Variants in FBXL15 observed in about 807,000 individuals in gnomAD.
FBXL15 encodes F-box and leucine rich repeat protein 15.
Under a neutral mutation model 23.6 loss-of-function variants are expected in FBXL15, and 19 were observed. The observed-to-expected ratio is 0.81, with a 90% CI of 0.56 to 1.18. The LOEUF is 1.18. FBXL15 is among the 50% of genes most tolerant of loss of function. The pLI is 0.00. For missense variants in FBXL15, 385 were observed against 425.4 expected (o/e 0.91, Z 0.83); for synonymous variants, 224 against 207.7 (o/e 1.08, Z -0.67).
At position 102,421,524 on chromosome 10, in the gene FBXL15, AG is replaced by A. The variant is rs1395890987; in HGVS notation, c.207+18del. 6.9e-7 allele frequency: 1 copy of A among 1,451,508 alleles called. No homozygotes were observed. Among genetic ancestry groups the A allele is most frequent in the South Asian group, 1.4e-5 (1 of 71,412 alleles). The allele number at this position is 1,451,508 out of a possible 1,614,324, so 89.9% of individuals were successfully genotyped here. A position where few individuals can be genotyped will look rare whatever the true frequency, so the allele number is the denominator to read the frequency against. ...GCCGCGCAGGTGAGCCGGGGGCTGAAGCCCCGCCCCTGCCTGGGTACCGCCC... is the reference window on the plus strand; with the variant it reads ...GCCGCGCAGGTGAGCCGGGGGCTGAACCCCGCCCCTGCCTGGGTACCGCCC... On this transcript the variant is annotated intron_variant, in intron 2 of 3. Coordinates refer to ENST00000369956, the MANE Select transcript of FBXL15 (RefSeq NM_024326.4).
Position 102,421,365 on chromosome 10 carries a change from T to G in FBXL15, c.65T>G (p.Leu22Arg). 1 of 1,555,926 alleles carries G rather than the reference T, an allele frequency of 6.4e-7. No individual in the cohort carries two copies. The highest frequency in any genetic ancestry group is 8.7e-7 in the Non-Finnish European group (1 of 1,150,694). ...QEPGAVRFLD[L>R]PWEDVLLPHV... ...CCCTTTACTCGCAGGTTCCTGGACC[T>G]GCCCTGGGAAGACGTGCTGCTCCCA... Residue 22 changes from leucine (L) to arginine (R), a missense_variant, in exon 2 of 4, where the codon CTG (leucine) becomes CGG (arginine). By Grantham distance (102) the Leu-to-Arg change is moderately radical. This residue lies in a region of FBXL15 where 130 missense variants were observed against 95.1 expected (regional missense o/e 1.37). Transcript: ENST00000369956.
In FBXL15 at chr10:102,422,242, C is replaced by T. The variant is rs370822016; in HGVS notation, c.663C>T (p.Leu221=). 2.0e-6 allele frequency: 3 copies of T among 1,511,232 alleles called. No homozygotes were observed. Among genetic ancestry groups the T allele is most frequent in the Non-Finnish European group, 2.7e-6 (3 of 1,129,654 alleles). 93.6% of individuals were successfully genotyped at this position (1,511,232 alleles called of 1,614,324 possible). A position where few individuals can be genotyped will look rare whatever the true frequency, so the allele number is the denominator to read the frequency against. ...AGTTGGCTCGGAACTGCCCAGAACT[C>T]CACCACCTTGACCTCACCGGCTGCC... is the stretch of plus-strand genomic sequence containing the variant. ...VQELARNCPE[L]HHLDLTGCLR... is the part of the protein sequence containing the mutation. The change falls in exon 3 of 4, where the codon CTC becomes CTT. Residue 221 remains leucine, a synonymous_variant. Coordinates refer to ENST00000369956, the MANE Select transcript of FBXL15 (RefSeq NM_024326.4).
At chr10:102,421,215 G>A in intron 1 of FBXL15, 33 bp downstream of exon 1, 1 of 1,598,012 alleles carries the variant, frequency 6.3e-7, no homozygotes, top group Non-Finnish European at 8.5e-7. Flanking sequence ...AGAGGGAAGA[G>A]GAACCTGAGG....
chr10:102,422,333 G>GA (rs751976655), intron 3 of FBXL15, 41 bp downstream of exon 3: 40 of 1,475,912 alleles, frequency 2.7e-5, no homozygotes, highest in Admixed American at 5.0e-5. Flanking sequence ...CAGTCACTTA[G>GA]CCTCTGCTGG....
rs764756293 is a variant in FBXL15 at position 102,421,080 on chromosome 10, T to C, written c.-50T>C. 7 of 1,574,934 alleles carry C rather than the reference T, an allele frequency of 4.4e-6. No homozygotes were observed. In the Admixed American group the frequency reaches 5.5e-5, roughly 12 times the overall value. ...AAGGAGGCGGGTTTGGTGCGGCCAC[T>C]CCAAGGCCAAAGCGAGAAAATCTTA... On this transcript the variant is annotated 5_prime_UTR_variant, in exon 1 of 4. Transcript: ENST00000369956.
rs751395271 is a variant in FBXL15, at chr10:102,423,016, G to A, written c.*23G>A. ...TGACCCGCCTGCCAATCGGAGCACA[G>A]CTGGACTGTGTGGCTGGGGCCTGAC... On this transcript the variant is annotated 3_prime_UTR_variant, in exon 4 of 4. Transcript: ENST00000369956. This position sits in a 1 kb window ranked among gnomAD's most constrained non-coding sequence, Gnocchi z 5.6. The A allele has an allele frequency of 9.9e-6, 15 of 1,517,484 alleles. No individual in the cohort carries two copies. Among genetic ancestry groups the A allele is most frequent in the Non-Finnish European group, 1.2e-5 (14 of 1,128,240 alleles). The allele number at this position is 1,517,484 out of a possible 1,614,324, so 94.0% of individuals were successfully genotyped here.
chr10:102,421,898 G>A lies in FBXL15; in HGVS notation c.319G>A (p.Val107Met). ...CHEWLSDEDL[V>M]PVLARNPQLR... is the part of the protein sequence containing the mutation. ...CGAATGGCTGTCAGACGAGGACCTG[G>A]TGCCGGTGCTGGCGCGGAATCCGCA... is the stretch of plus-strand genomic sequence containing the variant. The change falls in exon 3 of 4, where the codon GTG becomes ATG. Residue 107 changes from valine (V) to methionine (M), a missense_variant. Around this residue, in one of 2 missense-constraint regions of FBXL15, gnomAD observed 255 missense variants for 330.2 expected, o/e 0.77. Transcript: ENST00000369956. 2 of 1,606,382 alleles carry A rather than the reference G, an allele frequency of 1.2e-6. No individual in the cohort carries two copies. Among genetic ancestry groups the A allele is most frequent in the Middle Eastern group, 3.3e-4 (2 of 6,014 alleles).
Position 102,420,894 on chromosome 10 carries a change from C to G in FBXL15, c.-236C>G. The G allele has an allele frequency of 7.1e-7, 1 of 1,406,134 alleles. No homozygotes were observed. Among genetic ancestry groups the G allele is most frequent in the Non-Finnish European group, 9.3e-7 (1 of 1,079,492 alleles). 87.1% of individuals were successfully genotyped at this position (1,406,134 alleles called of 1,614,324 possible). A position where few individuals can be genotyped will look rare whatever the true frequency, so the allele number is the denominator to read the frequency against. On this transcript the variant is annotated 5_prime_UTR_variant, in exon 1 of 4. Transcript: ENST00000369956. ...AGAAGCCAGTCTCTGATGCCCACCG[C>G]ATTCTCCAGCTTCAGGCCTCAAGCC...
rs1467204934 is a variant in FBXL15 at position 102,420,841 on chromosome 10, G to C, written c.-289G>C. The stretch of plus-strand genomic sequence containing the variant: ...GCTCCTCCCACCACCACTTCGCTCA[G>C]AGGCGGCTACTGGCTCAAGAGGACG... On this transcript the variant is annotated 5_prime_UTR_variant, in exon 1 of 4. Coordinates refer to ENST00000369956, the MANE Select transcript of FBXL15 (RefSeq NM_024326.4). 7 of 1,312,532 alleles carry C rather than the reference G, an allele frequency of 5.3e-6. No homozygotes were observed. Among genetic ancestry groups the C allele is most frequent in the Admixed American group, 7.1e-5 (2 of 28,236 alleles). 81.3% of individuals were successfully genotyped at this position (1,312,532 alleles called of 1,614,324 possible). A position where few individuals can be genotyped will look rare whatever the true frequency, so the allele number is the denominator to read the frequency against.
chr10:102,421,240 C>G, intron 1 of FBXL15, 58 bp downstream of exon 1: 7 of 1,586,350 alleles, frequency 4.4e-6, no homozygotes, highest in Non-Finnish European at 6.0e-6. Flanking sequence ...GGAGCCGAGC[C>G]GGGGCTGGGT....
In FBXL15 at chr10:102,422,891, G is replaced by A. The variant is rs1253100606; in HGVS notation, c.801G>A (p.Arg267=). The change falls in exon 4 of 4, where the codon CGG becomes CGA. Residue 267 remains arginine, a synonymous_variant. Transcript: ENST00000369956. ...HVAESSLSRL[R]KRGVDIDVEP... is the part of the protein sequence containing the mutation. ...CGGAGTCCAGCCTGAGCCGCTTGCG[G>A]AAGCGCGGCGTGGACATCGACGTGG... 1 of 1,609,448 alleles carries A rather than the reference G, an allele frequency of 6.2e-7. No individual in the cohort carries two copies.
chr10:102,421,158 G>A lies in FBXL15; in HGVS notation c.29G>A (p.Gly10Glu), dbSNP rs922624199. ...GAGCCACCGATGGAGCCGTCCGGAGGGGAGCAAGAGCCCGGAGCCGTCAGG... is the reference window on the plus strand; with the variant it reads ...GAGCCACCGATGGAGCCGTCCGGAGAGGAGCAAGAGCCCGGAGCCGTCAGG... MEPPMEPSG[G>E]EQEPGAVRFL... is the part of the protein sequence containing the mutation. The change falls in exon 1 of 4, where the codon GGG becomes GAG. Residue 10 changes from glycine (G) to glutamate (E), a missense_variant. Gly to Glu is a moderately conservative substitution (Grantham distance 98, BLOSUM62 -2). Coordinates refer to ENST00000369956, the MANE Select transcript of FBXL15 (RefSeq NM_024326.4). The A allele has an allele frequency of 6.2e-7, 1 of 1,611,210 alleles. No homozygotes were observed. Among genetic ancestry groups the A allele is most frequent in the Non-Finnish European group, 8.5e-7 (1 of 1,178,738 alleles).
rs1375773259 is a variant in FBXL15 at position 102,422,926 on chromosome 10, T to G, written c.836T>G (p.Leu279Arg). The G allele has an allele frequency of 6.2e-7, 1 of 1,608,204 alleles. No individual in the cohort carries two copies. The highest frequency in any genetic ancestry group is 2.2e-5 in the East Asian group (1 of 44,666). The change falls in exon 4 of 4, where the codon CTG (leucine) becomes CGG (arginine). Residue 279 changes from leucine to arginine, a missense_variant. Leu to Arg is a moderately radical substitution (Grantham distance 102). Transcript: ENST00000369956. ...GTGGACATCGACGTGGAGCCGCCGC[T>G]GCACCAGGCCCTGGTGCTGCTGCAG... ...RGVDIDVEPP[L>R]HQALVLLQDM...
Position 102,422,985 on chromosome 10 carries a change from C to T in FBXL15, c.895C>T (p.Gln299Ter), listed in dbSNP as rs764809246. The T allele has an allele frequency of 6.5e-7, 1 of 1,549,444 alleles. No individual in the cohort carries two copies. The highest frequency in any genetic ancestry group is 8.7e-7 in the Non-Finnish European group (1 of 1,146,260). Reference protein sequence around the residue: ...MAGFAPFVNLQV With the variant: ...MAGFAPFVNL The stretch of plus-strand genomic sequence containing the variant: ...GGGCTTCGCACCTTTTGTCAACCTG[C>T]AGGTCTGACCCGCCTGCCAATCGGA... The change falls in exon 4 of 4, where the codon CAG becomes TAG. Residue 299 changes from glutamine (Q) to a stop codon, truncating the protein, a stop_gained. Transcript: ENST00000369956. LOFTEE classifies it high-confidence loss of function.
chr10:102,421,366 G>T lies in FBXL15; in HGVS notation c.66G>T (p.Leu22=), dbSNP rs757520243. 3 of 1,560,314 alleles carry T rather than the reference G, an allele frequency of 1.9e-6. No homozygotes were observed. The highest frequency in any genetic ancestry group is 2.7e-5 in the African/African-American group (2 of 73,196). Residue 22 remains leucine, a synonymous_variant, in exon 2 of 4, where the codon CTG becomes CTT. Transcript: ENST00000369956. The part of the protein sequence containing the change: ...QEPGAVRFLD[L]PWEDVLLPHV... The stretch of plus-strand genomic sequence containing the variant: ...CCTTTACTCGCAGGTTCCTGGACCT[G>T]CCCTGGGAAGACGTGCTGCTCCCAC...
chr10:102,422,344 T>C, intron 3 of FBXL15, 52 bp downstream of exon 3: 1 of 1,458,978 alleles, frequency 6.9e-7, no homozygotes, highest in Middle Eastern at 1.8e-4. Context: ...CCTCTGCTGG[T>C]ATGGGGCGGG....
At position 102,421,802 on chromosome 10, in the gene FBXL15, C is replaced by T; in HGVS notation, c.223C>T (p.Pro75Ser). 2 of 1,558,340 alleles carry T rather than the reference C, an allele frequency of 1.3e-6. No individual in the cohort carries two copies. The highest frequency in any genetic ancestry group is 2.3e-5 in the South Asian group (2 of 85,740). The change falls in exon 3 of 4, where the codon CCG (proline) becomes TCG (serine). Residue 75 changes from proline to serine, a missense_variant. This residue lies in a region of FBXL15 where 255 missense variants were observed against 330.2 expected (regional missense o/e 0.77). Coordinates refer to ENST00000369956, the MANE Select transcript of FBXL15 (RefSeq NM_024326.4). Reference sequence around the variant, plus strand: ...CCGCCCGCAGGTGGGTCCGCAGATCCCGCGGGCCGCATTGGCCCGGCTGCT... The same window carrying T: ...CCGCCCGCAGGTGGGTCCGCAGATCTCGCGGGCCGCATTGGCCCGGCTGCT... ...FDAAQVGPQI[P>S]RAALARLLRD...
chr10:102,423,091 T>C lies in FBXL15; in HGVS notation c.*98T>C. ...GTGAGGACCTCTGGTGAGAGGCCAGTGCCCTGCCCCACCCTGGAGCTTCAA... is the reference window on the plus strand; with the variant it reads ...GTGAGGACCTCTGGTGAGAGGCCAGCGCCCTGCCCCACCCTGGAGCTTCAA... On this transcript the variant is annotated 3_prime_UTR_variant, in exon 4 of 4. Coordinates refer to ENST00000369956, the MANE Select transcript of FBXL15 (RefSeq NM_024326.4). The surrounding 1 kb of genome is among the most constrained non-coding windows in gnomAD (Gnocchi z 5.6). The C allele has an allele frequency of 5.6e-6, 7 of 1,257,106 alleles. No homozygotes were observed. The highest frequency in any genetic ancestry group is 7.6e-6 in the Non-Finnish European group (7 of 920,374). The allele number at this position is 1,257,106 out of a possible 1,614,324, so 77.9% of individuals were successfully genotyped here.
Position 102,421,169 on chromosome 10 carries a change from C to A in FBXL15, c.40C>A (p.Pro14Thr). The change falls in exon 1 of 4, where the codon CCC (proline) becomes ACC (threonine). Residue 14 changes from proline to threonine, a missense_variant. By Grantham distance (38) the Pro-to-Thr change is conservative. Around this residue, in one of 2 missense-constraint regions of FBXL15, gnomAD observed 130 missense variants for 95.1 expected, o/e 1.37. Coordinates refer to ENST00000369956, the MANE Select transcript of FBXL15 (RefSeq NM_024326.4). ...PMEPSGGEQE[P>T]GAVRFLDLPW... Reference sequence around the variant, plus strand: ...GGAGCCGTCCGGAGGGGAGCAAGAGCCCGGAGCCGTCAGGTACCGAGCACC... The same window carrying A: ...GGAGCCGTCCGGAGGGGAGCAAGAGACCGGAGCCGTCAGGTACCGAGCACC... 1 of 1,610,904 alleles carries A rather than the reference C, an allele frequency of 6.2e-7. No homozygotes were observed.
Sources: gnomAD v4.1 joint callset for allele counts on GRCh38, gnomAD v4.1.1 for gene constraint, gnomAD v4.1.1 regional missense constraint, Gnocchi (gnomAD v3.1) non-coding constraint, MANE v1.5 for transcripts, NCBI Gene and HGNC (gene_info 2026-07-23, HGNC 2026-07-21) for gene names.